The following ROBO2 variants were observed in gnomAD, a reference collection of about 807,000 sequenced individuals.
The protein encoded by ROBO2 is roundabout guidance receptor 2, also known as roundabout homolog 2.
In ROBO2, 53 loss-of-function variants were observed where a neutral mutation model predicts 160.8. The observed-to-expected ratio is 0.33, with a 90% CI of 0.26 to 0.41. The LOEUF (loss-of-function observed/expected upper bound fraction) is 0.41, where lower values mean the gene tolerates loss of function less well. ROBO2 is among the 10% of genes least tolerant of loss of function. The pLI is 1.00. For synonymous variants in ROBO2, 664 were observed against 611.7 expected (o/e 1.09, Z -1.26); for missense variants, 1,577 against 1,722.4 (o/e 0.92, Z 1.49).
At chr3:77,014,584 C>T (rs1484336890) in intron 2 of ROBO2, among the ~76,000 whole-genome samples, 2 of 152,168 alleles carry the variant, frequency 1.3e-5, no homozygotes, top group African/African-American at 4.8e-5. Flanking sequence ...TGATCAGTCT[C>T]CTGCAGCTCT....
intron 2 of ROBO2, among the ~76,000 whole-genome samples, chr3:76,967,626 A>T (rs1007121536): frequency 1.4e-5 from 2 of 146,608 alleles, no homozygotes; most frequent in Non-Finnish European, 3.0e-5. Flanking sequence ...AACTCAAGGG[A>T]TCCTCCCATC....
At chr3:76,044,108 C>T (rs572719640) in intron 2 of ROBO2, among the ~76,000 whole-genome samples, 39 of 152,012 alleles carry the variant, frequency 2.6e-4, no homozygotes, top group Admixed American at 9.8e-4. Flanking sequence ...GTATTGTTCT[C>T]ATGCTGAGAC....
At chr3:76,446,503 C>T (rs2077189645) in intron 2 of ROBO2, among the ~76,000 whole-genome samples, 1 of 152,132 alleles carries the variant, frequency 6.6e-6, no homozygotes, top group African/African-American at 2.4e-5. Context: ...CCCCATCAAG[C>T]TACCAATGAC....
At chr3:76,318,376 C>A (rs1446816307) in intron 2 of ROBO2, among the ~76,000 whole-genome samples, 1 of 152,052 alleles carries the variant, frequency 6.6e-6, no homozygotes, top group African/African-American at 2.4e-5. Flanking sequence ...ATGCATTACA[C>A]CCTTATCAAG....
intron 2 of ROBO2, among the ~76,000 whole-genome samples, chr3:76,762,528 T>C (rs1316699749): frequency 6.7e-6 from 1 of 149,610 alleles, no homozygotes; most frequent in Admixed American, 6.7e-5. Context: ...ACATGGACAA[T>C]CAAAACTAAC....
chr3:76,246,583 G>A (rs748858771), intron 2 of ROBO2, among the ~76,000 whole-genome samples: 8 of 151,986 alleles, frequency 5.3e-5, no homozygotes, highest in East Asian at 1.9e-4. Context: ...ATCAAGTCAC[G>A]TTCAGGGAAT....
intron 2 of ROBO2, among the ~76,000 whole-genome samples, chr3:77,121,639 G>T (rs34444406): frequency 1.3e-5 from 2 of 151,934 alleles, no homozygotes; most frequent in East Asian, 1.9e-4. Context: ...ACTTAAGCCA[G>T]ATTTGTTTTG....
chr3:77,026,387 C>A (rs1017576787), intron 2 of ROBO2, among the ~76,000 whole-genome samples: 1 of 152,178 alleles, frequency 6.6e-6, no homozygotes, highest in Non-Finnish European at 1.5e-5. Context: ...CTCTAGTCAT[C>A]ACTGGCCCCA....
At position 76,059,564 on chromosome 3, in the gene ROBO2, G is replaced by A. The variant is rs530321365; in HGVS notation, c.109+121962G>A. On this transcript the variant is annotated intron_variant, in intron 2 of 26. Coordinates refer to the ROBO2 transcript ENST00000487694. ...TCTGGATATTAGCCCTTTGTCAGAT[G>A]AGTAGGTAGCAAAAATTTTCTCCCA... Among the ~76,000 whole-genome samples the A allele has an allele frequency of 2.6e-5, 4 of 152,220 alleles. No individual in the cohort carries two copies. The East Asian group carries it at 7.8e-4, about 29-fold the overall frequency.
intron 2 of ROBO2, among the ~76,000 whole-genome samples, chr3:76,338,998 G>A (rs1158030470): frequency 6.6e-6 from 1 of 152,044 alleles, no homozygotes; most frequent in Non-Finnish European, 1.5e-5. Flanking sequence ...ATCTAACTGT[G>A]CAAATAAATG....
intron 2 of ROBO2, among the ~76,000 whole-genome samples, chr3:76,039,917 C>T (rs571635314): frequency 6.6e-6 from 1 of 152,082 alleles, no homozygotes; most frequent in South Asian, 2.1e-4. Context: ...GACATGACAT[C>T]CTGTGGTTCC....
At chr3:77,054,923 C>CGTGTGTGTGTGTGT (rs1426385625) in intron 1 of ROBO2, among the ~76,000 whole-genome samples, 1 of 58,766 alleles carries the variant, frequency 1.7e-5, no homozygotes, top group East Asian at 7.8e-4. Context: ...CAAAATCTCG[C>CGTGTGTGTGTGTGT]GTGTATGTGT....
intron 2 of ROBO2, among the ~76,000 whole-genome samples, chr3:76,811,838 T>C (rs28439390): frequency 0.041 from 1,335 of 32,620 alleles, 10 homozygotes; most frequent in African/African-American, 0.058. Context: ...TCCTTCCTTC[T>C]TTCCTTCCTT....
chr3:77,490,013 G>A (rs2085871291), intron 4 of ROBO2, among the ~76,000 whole-genome samples: 1 of 151,888 alleles, frequency 6.6e-6, no homozygotes, highest in Non-Finnish European at 1.5e-5. Context: ...CTTCTTCAGG[G>A]CTCATATTTC....
rs546924940 is a variant in ROBO2 at position 77,538,211 on chromosome 3, G to C, written c.935-8127G>C. Among the ~76,000 whole-genome samples, 602 of 113,756 alleles carry C rather than the reference G, an allele frequency of 5.3e-3. 6 individuals carry two copies. Among genetic ancestry groups the C allele is most frequent in the African/African-American group, 0.02 (565 of 28,698 alleles). 74.6% of individuals were successfully genotyped at this position (113,756 alleles called of 152,430 possible). A position where few individuals can be genotyped will look rare whatever the true frequency, so the allele number is the denominator to read the frequency against. On this transcript the variant is annotated intron_variant, in intron 6 of 25. Transcript: ENST00000461745. ...TTTTTTTTTTTGAGACGGAGTCTCT[G>C]TCTGTCACCCAGGCTGGAGTGCAGT...
chr3:76,729,826 C>A (rs1010897730), intron 2 of ROBO2, among the ~76,000 whole-genome samples: 2 of 151,918 alleles, frequency 1.3e-5, no homozygotes, highest in African/African-American at 4.8e-5. Context: ...TTAGTAGAGA[C>A]GAGGTTTTGC....
chr3:76,226,377 AGTGT>A lies in ROBO2; in HGVS notation c.109+288780_109+288783del, dbSNP rs1476633377. 2.6e-5 allele frequency among the ~76,000 whole-genome samples: 4 copies of A among 152,186 alleles called. No homozygotes were observed. The East Asian group carries it at 7.7e-4, about 29-fold the overall frequency. ...TGTGTGTGTGTGCCTGTGAGCCTGTAGTGTGTGTATGTGTGTACAAGCTGGTGTG... is the reference window on the plus strand; with the variant it reads ...TGTGTGTGTGTGCCTGTGAGCCTGTAGTGTATGTGTGTACAAGCTGGTGTG... On this transcript the variant is annotated intron_variant, in intron 2 of 26. Coordinates refer to the ROBO2 transcript ENST00000487694.
At chr3:76,085,114 T>TAC (rs1177327215) in intron 2 of ROBO2, among the ~76,000 whole-genome samples, 4,124 of 129,020 alleles carry the variant, frequency 0.032, 179 homozygotes, top group African/African-American at 0.1. Flanking sequence ...TATATATATA[T>TAC]ATACACACAC....
chr3:77,039,148 G>A (rs1317157238), upstream of ROBO2, among the ~76,000 whole-genome samples: 1 of 152,200 alleles, frequency 6.6e-6, no homozygotes, highest in East Asian at 1.9e-4. Flanking sequence ...ATAGATCTTG[G>A]CTAAAATGAG....
Sources: gnomAD v4.1 joint callset for allele counts (sites outside exome capture counted in the v4.1 genomes callset) on GRCh38, gnomAD v4.1.1 for gene constraint, MANE v1.5 for transcripts, NCBI Gene and HGNC (gene_info 2026-07-23, HGNC 2026-07-21) for gene names.